The following VPS26A variants were observed in gnomAD, a reference collection of about 807,000 sequenced individuals.
VPS26A encodes vacuolar protein sorting-associated protein 26A.
VPS26A carries 22 observed loss-of-function variants against 42.4 expected under a neutral mutation model. The ratio of observed to expected loss-of-function variants is 0.52; its 90% CI spans 0.37 to 0.74. The LOEUF (loss-of-function observed/expected upper bound fraction) is 0.74, where lower values mean the gene tolerates loss of function less well. VPS26A is among the 30% of genes least tolerant of loss of function. VPS26A has a pLI of 0.00. For synonymous variants in VPS26A, 110 were observed against 123.5 expected (o/e 0.89, Z 0.73); for missense variants, 276 against 379.2 (o/e 0.73, Z 2.26).
At chr10:69,154,886 CGCACGCGCACGTGCGT>C (rs1297436320) in intron 2 of VPS26A, among the ~76,000 whole-genome samples, 7 of 152,208 alleles carry the variant, frequency 4.6e-5, no homozygotes, top group East Asian at 3.9e-4. Flanking sequence ...TGTGTGTGCG[CGCACGCGCACGTGCGT>C]GCACATATAT....
intron 8 of VPS26A, among the ~76,000 whole-genome samples, chr10:69,169,412 A>C (rs1841765731): frequency 6.6e-6 from 1 of 151,938 alleles, no homozygotes; most frequent in African/African-American, 2.4e-5. Context: ...GAGATGACTG[A>C]ATTCTAATAA....
At chr10:69,125,541 T>C (rs1398166683) in intron 1 of VPS26A, among the ~76,000 whole-genome samples, 1 of 149,696 alleles carries the variant, frequency 6.7e-6, no homozygotes, top group Admixed American at 6.6e-5. Flanking sequence ...CAGGCTTCTT[T>C]AATTGAATAT....
intron 2 of VPS26A, among the ~76,000 whole-genome samples, chr10:69,141,347 C>T (rs1426119957): frequency 2.6e-5 from 4 of 152,320 alleles, no homozygotes; most frequent in African/African-American, 9.6e-5. Flanking sequence ...TATTCTGTGC[C>T]ATGCTCAGTG....
intron 4 of VPS26A, among the ~76,000 whole-genome samples, 192 bp downstream of exon 4, chr10:69,157,355 T>G (rs1190727894): frequency 6.6e-6 from 1 of 152,198 alleles, no homozygotes; most frequent in Non-Finnish European, 1.5e-5. Context: ...TTAGACAACA[T>G]TGTTATGAGA....
chr10:69,154,466 A>G (rs1265186416), intron 2 of VPS26A, among the ~76,000 whole-genome samples: 1 of 151,754 alleles, frequency 6.6e-6, no homozygotes, highest in African/African-American at 2.4e-5. Flanking sequence ...AACTTGGGAG[A>G]TGGAGGTTGA....
intron 2 of VPS26A, among the ~76,000 whole-genome samples, chr10:69,148,472 A>T (rs1426775647): frequency 6.6e-6 from 1 of 152,214 alleles, no homozygotes; most frequent in African/African-American, 2.4e-5. Context: ...ATGGACTATG[A>T]CAGCAGTTGC....
Position 69,156,997 on chromosome 10 carries a change from A to G in VPS26A, c.230-10A>G. 1 of 1,575,722 alleles carries G rather than the reference A, an allele frequency of 6.3e-7. No individual in the cohort carries two copies. Among genetic ancestry groups the G allele is most frequent in the Non-Finnish European group, 8.6e-7 (1 of 1,162,718 alleles). ...AATAATTGGTCTTTTTGCCTTTTAA[A>G]ATTTCTCAGAACTTTTCAATGACAA... On this transcript the variant is annotated splice_polypyrimidine_tract_variant and intron_variant, in intron 3 of 8. Transcript: ENST00000263559.
intron 6 of VPS26A, among the ~76,000 whole-genome samples, chr10:69,163,771 T>C (rs1841616911): frequency 6.7e-6 from 1 of 150,134 alleles, no homozygotes; most frequent in Non-Finnish European, 1.5e-5. Context: ...GTTTTCTTTT[T>C]TTTTTTTTTT....
At chr10:69,146,004 C>T (rs533365118) in intron 2 of VPS26A, among the ~76,000 whole-genome samples, 3 of 152,110 alleles carry the variant, frequency 2.0e-5, no homozygotes, top group Non-Finnish European at 4.4e-5. Flanking sequence ...TTGTGTCTGG[C>T]TCCTTTTACC....
chr10:69,130,983 C>G (rs1406934319), intron 1 of VPS26A, among the ~76,000 whole-genome samples: 1 of 152,130 alleles, frequency 6.6e-6, no homozygotes, highest in Non-Finnish European at 1.5e-5. Flanking sequence ...ATGAATAACA[C>G]TTGTGAACAT....
At chr10:69,126,119 G>A (rs10823301) in intron 1 of VPS26A, among the ~76,000 whole-genome samples, 108,420 of 152,010 alleles carry the variant, frequency 0.71, 42,391 homozygotes, top group Non-Finnish European at 0.89. Context: ...TATTCCAAAT[G>A]CGCCCTTGAA....
intron 5 of VPS26A, among the ~76,000 whole-genome samples, chr10:69,162,070 C>T (rs1429108498): frequency 6.6e-6 from 1 of 150,564 alleles, no homozygotes; most frequent in Non-Finnish European, 1.5e-5. Flanking sequence ...TGCCTCACTG[C>T]AGCCTTCACC....
Position 69,128,389 on chromosome 10 carries a change from G to A in VPS26A, c.3+4109G>A, listed in dbSNP as rs1840706614. On this transcript the variant is annotated intron_variant, in intron 1 of 8. Coordinates refer to ENST00000263559, the MANE Select transcript of VPS26A (RefSeq NM_004896.5). Reference sequence around the variant, plus strand: ...TGGGACTACAAGTGCATGCCACCACGTCTGGCAAATTTGTTCTGTTTTTGT... The same window carrying A: ...TGGGACTACAAGTGCATGCCACCACATCTGGCAAATTTGTTCTGTTTTTGT... 4.0e-5 allele frequency among the ~76,000 whole-genome samples: 6 copies of A among 151,844 alleles called. No homozygotes were observed. The South Asian group carries it at 1.2e-3, about 31-fold the overall frequency.
intron 6 of VPS26A, among the ~76,000 whole-genome samples, chr10:69,165,309 CTG>C (rs1841662143): frequency 6.6e-6 from 1 of 152,088 alleles, no homozygotes; most frequent in African/African-American, 2.4e-5. Flanking sequence ...TTTAAAACAT[CTG>C]TGATTTCTTT....
chr10:69,163,915 A>G (rs1169433158), intron 6 of VPS26A, among the ~76,000 whole-genome samples: 3 of 150,366 alleles, frequency 2.0e-5, no homozygotes, highest in Admixed American at 1.3e-4. Flanking sequence ...ACAGGCGCCC[A>G]CCATCACGCC....
At chr10:69,147,814 G>A (rs1003726897) in intron 2 of VPS26A, among the ~76,000 whole-genome samples, 8 of 152,178 alleles carry the variant, frequency 5.3e-5, no homozygotes, top group African/African-American at 1.7e-4. Flanking sequence ...CTGGGCTCAA[G>A]TGATCCTCCC....
At chr10:69,160,358 C>T (rs144587421) in intron 5 of VPS26A, among the ~76,000 whole-genome samples, 2,588 of 151,992 alleles carry the variant, frequency 0.017, 65 homozygotes, top group African/African-American at 0.058. Context: ...CGGGGTTTCA[C>T]CATGTTGGTC....
chr10:69,161,440 T>C (rs1287181222), intron 5 of VPS26A: 1 of 160,118 alleles, frequency 6.2e-6, no homozygotes, highest in Admixed American at 6.4e-5. Flanking sequence ...AGTGAAATGA[T>C]GAATACTTTT....
chr10:69,151,284 C>CAAAAAAAAAAAAAA (rs1162179375), intron 2 of VPS26A, among the ~76,000 whole-genome samples: 2,946 of 111,098 alleles, frequency 0.027, 45 homozygotes, highest in South Asian at 0.052. Context: ...AAAAAAAAAA[C>CAAAAAAAAAAAAAA]ACACACACAC....
Sources: allele counts gnomAD v4.1 joint callset (sites outside exome capture counted in the v4.1 genomes callset), GRCh38; gene constraint gnomAD v4.1.1; transcripts MANE v1.5; gene names NCBI Gene and HGNC (gene_info 2026-07-23, HGNC 2026-07-21).